Variants in ATG2B observed in about 807,000 individuals in gnomAD.
ATG2B encodes autophagy related 2B.
ATG2B carries 121 observed loss-of-function variants against 241.3 expected under a neutral mutation model. That is an observed-to-expected ratio of 0.50 (90% confidence interval 0.43 to 0.58). ATG2B has a LOEUF of 0.58. ATG2B is among the 20% of genes least tolerant of loss of function. The probability of loss-of-function intolerance (pLI) is 0.00; values close to 1 mark genes in which losing one functional copy is unlikely to be tolerated. For missense variants in ATG2B, 2,306 were observed against 2,491.6 expected, an observed-to-expected ratio of 0.93 and a Z score of 1.59; for synonymous variants, 858 against 876.6, an observed-to-expected ratio of 0.98 and a Z score of 0.37.
At position 96,354,070 on chromosome 14, in the gene ATG2B, G is replaced by T. The variant is rs192850980; in HGVS notation, c.163-6729C>A. Among the ~76,000 whole-genome samples, 639 of 152,160 alleles carry T rather than the reference G, an allele frequency of 4.2e-3. 4 individuals carry two copies. The highest frequency in any genetic ancestry group is 6.4e-3 in the Non-Finnish European group (437 of 68,002). On this transcript the variant is annotated intron_variant, in intron 1 of 41. Coordinates refer to ENST00000359933, the MANE Select transcript of ATG2B (RefSeq NM_018036.7). ...ATTTTAAACATACAAGGAATATGTA[G>T]TTTTTTAAAAAAAATTTCAGAGATA... is the stretch of plus-strand genomic sequence containing the variant.
chr14:96,293,104 C>G (rs1280677795), intron 36 of ATG2B: 1 of 152,202 alleles, frequency 6.6e-6, no homozygotes, highest in African/African-American at 2.4e-5. Context: ...ACAAAATGAT[C>G]TGGCTTCCAA....
At position 96,305,142 on chromosome 14, in the gene ATG2B, C is replaced by T. The variant is rs1001100341; in HGVS notation, c.4733+447G>A. ...GATTCTGTCCACCTGATTCTCCCAG[C>T]GACCGGCACACTGCACTCGTCTCAC... On this transcript the variant is annotated intron_variant, in intron 31 of 41. Coordinates refer to ENST00000359933, the MANE Select transcript of ATG2B (RefSeq NM_018036.7). Among the ~76,000 whole-genome samples, 7 of 152,142 alleles carry T rather than the reference C, an allele frequency of 4.6e-5. No individual in the cohort carries two copies. In the South Asian group the frequency reaches 8.3e-4, roughly 18 times the overall value.
At chr14:96,321,802 C>G (rs1346681344) in intron 18 of ATG2B, among the ~76,000 whole-genome samples, 1 of 152,176 alleles carries the variant, frequency 6.6e-6, no homozygotes, top group Non-Finnish European at 1.5e-5. Flanking sequence ...CATCTCTTAA[C>G]TCTTCACGTC....
chr14:96,321,434 C>T (rs61985183), intron 18 of ATG2B, among the ~76,000 whole-genome samples: 3,754 of 152,220 alleles, frequency 0.025, 55 homozygotes, highest in Non-Finnish European at 0.038. Context: ...TAAGTTCTTA[C>T]GATATGCCAT....
In ATG2B at chr14:96,312,116, T is replaced by C; in HGVS notation, c.3886A>G (p.Asn1296Asp). ...CTACTCAGATTTATAGTGACAGTATTGCATTTGTCAGATAGATGTAAAGCA... is the reference window on the plus strand; with the variant it reads ...CTACTCAGATTTATAGTGACAGTATCGCATTTGTCAGATAGATGTAAAGCA... ...EAALHLSDKC[N>D]TVTINLSRDY... The change falls in exon 26 of 42, where the codon AAT becomes GAT. Residue 1296 changes from asparagine (N) to aspartate (D), a missense_variant. This residue lies in a region of ATG2B where 1,927 missense variants were observed against 2,011.2 expected (regional missense o/e 0.96). Transcript: ENST00000359933. 1 of 1,603,878 alleles carries C rather than the reference T, an allele frequency of 6.2e-7. No homozygotes were observed. The highest frequency in any genetic ancestry group is 1.3e-5 in the African/African-American group (1 of 74,242).
At chr14:96,308,851 G>A (rs554884293) in intron 29 of ATG2B, among the ~76,000 whole-genome samples, 1 of 152,190 alleles carries the variant, frequency 6.6e-6, no homozygotes, top group East Asian at 1.9e-4. Context: ...GGCTTTCAAG[G>A]ATCTTGAATC....
chr14:96,303,178 C>T lies in ATG2B; in HGVS notation c.4920G>A (p.Arg1640=). The change falls in exon 33 of 42, where the codon CGG becomes CGA. Residue 1640 remains arginine, a synonymous_variant. Coordinates refer to ENST00000359933, the MANE Select transcript of ATG2B (RefSeq NM_018036.7). ...CAAGATCCTGAACAATGAACACCTGCCGGGAGACTGGGTGTTCTGAGAGGC... is the reference window on the plus strand; with the variant it reads ...CAAGATCCTGAACAATGAACACCTGTCGGGAGACTGGGTGTTCTGAGAGGC... ...DSSLSEHPVS[R]QVFIVQDLEI... The T allele has an allele frequency of 6.2e-7, 1 of 1,613,112 alleles. No homozygotes were observed. Among genetic ancestry groups the T allele is most frequent in the Non-Finnish European group, 8.5e-7 (1 of 1,179,592 alleles).
chr14:96,302,142 C>G lies in ATG2B; in HGVS notation c.5038-34G>C, dbSNP rs115557592. On this transcript the variant is annotated intron_variant, in intron 33 of 41. Transcript: ENST00000359933. Reference sequence around the variant, plus strand: ...CAAGAAAGAGAATAACATTTTTCCCCAATAATATGATGACCTTCTTCTCTT... The same window carrying G: ...CAAGAAAGAGAATAACATTTTTCCCGAATAATATGATGACCTTCTTCTCTT... The G allele has an allele frequency of 2.0e-3, 2,667 of 1,330,506 alleles. 52 individuals are homozygous for G. The African/African-American group carries it at 0.033, about 17-fold the overall frequency. The allele number at this position is 1,330,506 out of a possible 1,614,324, so 82.4% of individuals were successfully genotyped here.
At chr14:96,354,807 T>C (rs1595336683) in intron 1 of ATG2B, among the ~76,000 whole-genome samples, 1 of 152,170 alleles carries the variant, frequency 6.6e-6, no homozygotes, top group South Asian at 2.1e-4. Flanking sequence ...GTTGTTATTG[T>C]TGTTGTTTTA....
chr14:96,308,255 C>CATATATATATATATATATATAT (rs1162236859), intron 29 of ATG2B, among the ~76,000 whole-genome samples: 9 of 29,364 alleles, frequency 3.1e-4, no homozygotes, highest in Admixed American at 5.4e-4. Flanking sequence ...TATATATACA[C>CATATATATATATATATATATAT]ACATATATAT....
intron 31 of ATG2B, among the ~76,000 whole-genome samples, chr14:96,305,177 A>G (rs901008810): frequency 6.5e-4 from 99 of 152,232 alleles, no homozygotes; most frequent in African/African-American, 2.2e-3. Context: ...CAGGCGCTCA[A>G]TGACCACAGG....
Position 96,285,926 on chromosome 14 carries a change from T to C in ATG2B, c.6066A>G (p.Arg2022=), listed in dbSNP as rs1176510683. The change falls in exon 42 of 42, where the codon AGA becomes AGG. Residue 2022 remains arginine (R), a synonymous_variant. Transcript: ENST00000359933. The surrounding 1 kb of genome is among the most constrained non-coding windows in gnomAD (Gnocchi z 4.2). ...YETAAREHES[R]GVTGAVGEVL... ...CCTCGCCCACGGCACCAGTCACCCC[T>C]CTGCTCTCGTGTTCTCGAGCCGCAG... The C allele has an allele frequency of 1.9e-6, 3 of 1,614,008 alleles. No individual in the cohort carries two copies. The highest frequency in any genetic ancestry group is 1.7e-6 in the Non-Finnish European group (2 of 1,180,016).
chr14:96,298,272 A>T (rs149372998), intron 34 of ATG2B, among the ~76,000 whole-genome samples: 1 of 152,136 alleles, frequency 6.6e-6, no homozygotes, highest in Non-Finnish European at 1.5e-5. Context: ...GAACGACAAT[A>T]CCAAGTTTGG....
chr14:96,324,999 T>A (rs923387362), intron 15 of ATG2B, among the ~76,000 whole-genome samples: 7 of 152,262 alleles, frequency 4.6e-5, no homozygotes, highest in African/African-American at 1.7e-4. Context: ...ATAGACTTGG[T>A]TCACTTTAAA....
In ATG2B at chr14:96,282,310, GCA is replaced by G. The variant is rs933331231; in HGVS notation, c.*3443_*3444del. 6.6e-6 allele frequency: 1 copy of G among 152,180 alleles called. No individual in the cohort carries two copies. The highest frequency in any genetic ancestry group is 2.4e-5 in the African/African-American group (1 of 41,438). 9.4% of individuals were successfully genotyped at this position (152,180 alleles called of 1,614,324 possible). Reference sequence around the variant, plus strand: ...TACAAAAGAATATTGCTTTGTGTTTGCACAGTCCCTTCCTTTCAAGGAACTTA... The same window carrying G: ...TACAAAAGAATATTGCTTTGTGTTTGCAGTCCCTTCCTTTCAAGGAACTTA... On this transcript the variant is annotated 3_prime_UTR_variant, in exon 42 of 42. Transcript: ENST00000359933.
chr14:96,325,864 A>G lies in ATG2B; in HGVS notation c.2222T>C (p.Ile741Thr). The G allele has an allele frequency of 1.3e-5, 21 of 1,614,048 alleles. No homozygotes were observed. Among genetic ancestry groups the G allele is most frequent in the Non-Finnish European group, 1.8e-5 (21 of 1,179,970 alleles). ...DDSHSPANCR[I>T]SVQVATPALN... is the part of the protein sequence containing the mutation. Reference sequence around the variant, plus strand: ...TGCTGGTGTGGCAACTTGTACTGATATCCGACAATTTGCAGGACTATGTGA... The same window carrying G: ...TGCTGGTGTGGCAACTTGTACTGATGTCCGACAATTTGCAGGACTATGTGA... The change falls in exon 15 of 42, where the codon ATA becomes ACA. Residue 741 changes from isoleucine (I) to threonine (T), a missense_variant. Ile to Thr is a moderately conservative substitution (Grantham distance 89, BLOSUM62 -1). Coordinates refer to ENST00000359933, the MANE Select transcript of ATG2B (RefSeq NM_018036.7).
In ATG2B at chr14:96,344,754, G is replaced by T. The variant is rs779609575; in HGVS notation, c.481C>A (p.Leu161Ile). 4.1e-6 allele frequency: 6 copies of T among 1,477,392 alleles called. No individual in the cohort carries two copies. The highest frequency in any genetic ancestry group is 5.6e-6 in the Non-Finnish European group (6 of 1,075,446). 91.5% of individuals were successfully genotyped at this position (1,477,392 alleles called of 1,614,324 possible). ...EKFAETIETV[L>I]RRVKVTFIDT... The stretch of plus-strand genomic sequence containing the variant: ...ATAAAAGTGACTTTTACTCTTCTTA[G>T]TACTAAAGTAAACAAGTAATTGTCA... Residue 161 changes from leucine (L) to isoleucine (I), a missense_variant and splice_region_variant, in exon 4 of 42, where the codon CTA (leucine) becomes ATA (isoleucine). By Grantham distance (5) the Leu-to-Ile change is conservative. Coordinates refer to ENST00000359933, the MANE Select transcript of ATG2B (RefSeq NM_018036.7).
rs34296665 is a variant in ATG2B at position 96,324,000 on chromosome 14, T to TA, written c.2438-3dup. ...CTCCTTTCTCTTCCTGGAACGATCC[T>TA]AAAAAAAAAGACTGATTTACTGAAA... On this transcript the variant is annotated splice_polypyrimidine_tract_variant and splice_region_variant and intron_variant, in intron 15 of 41. Transcript: ENST00000359933. The TA allele has an allele frequency of 0.27, 406,616 of 1,517,686 alleles. 44,438 individuals are homozygous for TA. The highest frequency in any genetic ancestry group is 0.46 in the African/African-American group (31,672 of 69,574). 94.0% of individuals were successfully genotyped at this position (1,517,686 alleles called of 1,614,324 possible).
Position 96,280,737 on chromosome 14 carries a change from T to G in ATG2B, c.*5018A>C, listed in dbSNP as rs1365565574. On this transcript the variant is annotated 3_prime_UTR_variant, in exon 42 of 42. Coordinates refer to ENST00000359933, the MANE Select transcript of ATG2B (RefSeq NM_018036.7). ...CTCTACTAAAAAAACAAAAAATTTGTGGGGCGTGGTGGCAGGTGCCTGTAA... is the reference window on the plus strand; with the variant it reads ...CTCTACTAAAAAAACAAAAAATTTGGGGGGCGTGGTGGCAGGTGCCTGTAA... 1 of 151,816 alleles carries G rather than the reference T, an allele frequency of 6.6e-6. No homozygotes were observed. Among genetic ancestry groups the G allele is most frequent in the Non-Finnish European group, 1.5e-5 (1 of 67,966 alleles). The allele number at this position is 151,816 out of a possible 1,614,324, so 9.4% of individuals were successfully genotyped here.
Sources: allele counts gnomAD v4.1 joint callset (sites outside exome capture counted in the v4.1 genomes callset), GRCh38; gene constraint gnomAD v4.1.1; regional missense constraint gnomAD v4.1.1; non-coding constraint Gnocchi (gnomAD v3.1); transcripts MANE v1.5; gene names NCBI Gene and HGNC (gene_info 2026-07-23, HGNC 2026-07-21).